NELL2: variants seen among roughly 807,000 people sequenced by gnomAD.
NELL2 encodes the protein protein kinase C-binding protein NELL2.
A neutral mutation model predicts 109.6 loss-of-function variants in NELL2; 41 were observed. The observed-to-expected ratio is 0.37, with a 90% CI of 0.29 to 0.49. NELL2 has a LOEUF of 0.49. Ranked by LOEUF, NELL2 falls within the 20% of genes least tolerant of loss-of-function variation. The probability of loss-of-function intolerance (pLI) is 0.98; values close to 1 mark genes in which losing one functional copy is unlikely to be tolerated. For synonymous variants in NELL2, 355 were observed against 344.7 expected (o/e 1.03, Z -0.33); for missense variants, 900 against 1,008.3 (o/e 0.89, Z 1.45).
intron 15 of NELL2, among the ~76,000 whole-genome samples, chr12:44,583,601 T>C (rs1279165869): frequency 6.6e-6 from 1 of 152,212 alleles, no homozygotes; most frequent in Non-Finnish European, 1.5e-5. Context: ...CAAAGATTTA[T>C]GACATTATAT....
At chr12:44,881,127 G>A (rs918331105), upstream of NELL2, among the ~76,000 whole-genome samples, 2 of 151,942 alleles carry the variant, frequency 1.3e-5, no homozygotes, top group South Asian at 2.1e-4. Context: ...AGAGTCAATC[G>A]CCTGCTTAAA....
intron 2 of NELL2, among the ~76,000 whole-genome samples, chr12:44,871,781 T>C (rs1345933807): frequency 6.6e-6 from 1 of 152,204 alleles, no homozygotes; most frequent in Non-Finnish European, 1.5e-5. Flanking sequence ...TACGACCTTT[T>C]TTTCCCTTTA....
At chr12:44,642,813 C>T (rs554273459) in intron 13 of NELL2, among the ~76,000 whole-genome samples, 3 of 152,126 alleles carry the variant, frequency 2.0e-5, no homozygotes, top group South Asian at 2.1e-4. Flanking sequence ...ACCCAGGAGG[C>T]GGAGGTTGCA....
intron 9 of NELL2, among the ~76,000 whole-genome samples, chr12:44,720,271 C>A (rs1938697042): frequency 6.6e-6 from 1 of 152,150 alleles, no homozygotes. Context: ...AGCATGGGCC[C>A]TGCATAATAT....
At chr12:44,626,327 T>C (rs1471074155) in intron 13 of NELL2, among the ~76,000 whole-genome samples, 1 of 152,186 alleles carries the variant, frequency 6.6e-6, no homozygotes, top group East Asian at 1.9e-4. Context: ...GTTCCTTGAA[T>C]AGCTAAAGCA....
At chr12:44,871,352 A>G (rs1219691274) in intron 2 of NELL2, among the ~76,000 whole-genome samples, 1 of 152,246 alleles carries the variant, frequency 6.6e-6, no homozygotes, top group African/African-American at 2.4e-5. Flanking sequence ...AATCAAAGTT[A>G]AGTTCTAACG....
intron 9 of NELL2, among the ~76,000 whole-genome samples, chr12:44,718,274 T>A (rs926553107): frequency 6.6e-6 from 1 of 152,120 alleles, no homozygotes; most frequent in East Asian, 1.9e-4. Flanking sequence ...TTCTGAGAGA[T>A]AACAATAATC....
At chr12:44,907,351 G>A (rs1945731263) in intron 1 of NELL2, among the ~76,000 whole-genome samples, 1 of 152,068 alleles carries the variant, frequency 6.6e-6, no homozygotes, top group Admixed American at 6.6e-5. Flanking sequence ...AGCTCTGAAA[G>A]AGAAAAACAT....
intron 13 of NELL2, among the ~76,000 whole-genome samples, chr12:44,652,168 A>G (rs1169097686): frequency 6.6e-6 from 1 of 152,184 alleles, no homozygotes; most frequent in Non-Finnish European, 1.5e-5. Flanking sequence ...ACAATCCTGC[A>G]TTCTGGAGAT....
At chr12:44,854,684 G>GGATGGATGGA (rs1944628847) in intron 2 of NELL2, among the ~76,000 whole-genome samples, 1 of 140,810 alleles carries the variant, frequency 7.1e-6, no homozygotes, top group African/African-American at 2.6e-5. Context: ...GGATGGATGG[G>GGATGGATGGA]TGGATGGATG....
chr12:44,667,473 C>T (rs1947963345), intron 12 of NELL2, among the ~76,000 whole-genome samples: 1 of 152,174 alleles, frequency 6.6e-6, no homozygotes, highest in East Asian at 1.9e-4. Flanking sequence ...AATAAAAGTT[C>T]ATTTACAAAA....
At position 44,520,108 on chromosome 12, in the gene NELL2, C is replaced by A. The variant is rs779433988; in HGVS notation, c.2297G>T (p.Arg766Leu). Residue 766 changes from arginine (R) to leucine (L), a missense_variant, in exon 19 of 20, where the codon CGC (arginine) becomes CTC (leucine). This residue lies in a region of NELL2 where 333 missense variants were observed against 432.3 expected (regional missense o/e 0.77). Transcript: ENST00000429094. ...VTDPCQADTI[R>L]NDITKTCLDE... is the part of the protein sequence containing the mutation. ...CAGGCAAGTCTTGGTGATGTCATTGCGGATGGTGTCAGCCTGGCAAGGGTC... is the reference window on the plus strand; with the variant it reads ...CAGGCAAGTCTTGGTGATGTCATTGAGGATGGTGTCAGCCTGGCAAGGGTC... 5 of 1,614,104 alleles carry A rather than the reference C, an allele frequency of 3.1e-6. No individual in the cohort carries two copies. The highest frequency in any genetic ancestry group is 2.5e-6 in the Non-Finnish European group (3 of 1,180,020).
chr12:44,536,881 T>G (rs967414279), intron 15 of NELL2, among the ~76,000 whole-genome samples: 1 of 151,886 alleles, frequency 6.6e-6, no homozygotes, highest in African/African-American at 2.4e-5. Context: ...GCAGTCATAC[T>G]CTGGGGATCA....
chr12:44,531,963 G>A (rs1345228311), intron 16 of NELL2, among the ~76,000 whole-genome samples: 1 of 152,132 alleles, frequency 6.6e-6, no homozygotes, highest in East Asian at 1.9e-4. Flanking sequence ...GGCTACAGAG[G>A]AGCAGATTTG....
chr12:44,715,318 C>T (rs1938428107), intron 9 of NELL2, among the ~76,000 whole-genome samples: 1 of 148,844 alleles, frequency 6.7e-6, no homozygotes, highest in Admixed American at 6.8e-5. Flanking sequence ...GCCTTGCTTC[C>T]ATCACAATTA....
At chr12:44,807,841 T>C (rs991249383) in intron 3 of NELL2, among the ~76,000 whole-genome samples, 31 of 152,118 alleles carry the variant, frequency 2.0e-4, no homozygotes, top group Middle Eastern at 6.8e-3. Flanking sequence ...GAGCACCAAG[T>C]TGGTTTCCAA....
intron 2 of NELL2, among the ~76,000 whole-genome samples, chr12:44,822,671 G>C (rs181783731): frequency 6.6e-5 from 10 of 152,130 alleles, no homozygotes; most frequent in Non-Finnish European, 1.2e-4. Context: ...AACTGCTTGA[G>C]TTTAAATGTA....
At chr12:44,562,140 C>T (rs902396704) in intron 15 of NELL2, among the ~76,000 whole-genome samples, 2 of 152,170 alleles carry the variant, frequency 1.3e-5, no homozygotes, top group African/African-American at 4.8e-5. Context: ...TGGACTCCTT[C>T]CTTACACCTT....
chr12:44,723,441 TAATC>T (rs1169340090), intron 9 of NELL2, among the ~76,000 whole-genome samples: 1 of 152,196 alleles, frequency 6.6e-6, no homozygotes, highest in African/African-American at 2.4e-5. Flanking sequence ...TGTTTGAAAA[TAATC>T]AGTTAAACTG....
Sources: gnomAD v4.1 joint callset for allele counts (sites outside exome capture counted in the v4.1 genomes callset) on GRCh38, gnomAD v4.1.1 for gene constraint, gnomAD v4.1.1 regional missense constraint, MANE v1.5 for transcripts, NCBI Gene and HGNC (gene_info 2026-07-23, HGNC 2026-07-21) for gene names.